MAP4: variants seen among roughly 807,000 people sequenced by gnomAD.
MAP4 encodes the protein microtubule-associated protein 4.
Under a neutral mutation model 170.2 loss-of-function variants are expected in MAP4, and 76 were observed. The ratio of observed to expected loss-of-function variants is 0.45; its 90% CI spans 0.37 to 0.54. The LOEUF (loss-of-function observed/expected upper bound fraction) is 0.54. Among genes scored for constraint, MAP4 ranks in the 20% least tolerant of loss-of-function variants. The pLI is 0.00. For missense variants in MAP4, 2,506 were observed against 2,748.0 expected, an observed-to-expected ratio of 0.91 and a Z score of 1.97; for synonymous variants, 909 against 994.5, an observed-to-expected ratio of 0.91 and a Z score of 1.62.
intron 3 of MAP4, among the ~76,000 whole-genome samples, chr3:47,966,521 A>G (rs2100075148): frequency 6.6e-6 from 1 of 151,782 alleles, no homozygotes; most frequent in Admixed American, 6.6e-5. Flanking sequence ...TGTTGGGATT[A>G]CAGGTGTGAG....
intron 1 of MAP4, among the ~76,000 whole-genome samples, chr3:48,030,697 G>C (rs2100115581): frequency 6.7e-6 from 1 of 149,714 alleles, no homozygotes; most frequent in African/African-American, 2.4e-5. Flanking sequence ...TACTCGGGAG[G>C]CTGAGACAGG....
intron 1 of MAP4, among the ~76,000 whole-genome samples, chr3:48,059,514 C>CAAAAA (rs762700404): frequency 1.1e-4 from 2 of 18,008 alleles, no homozygotes; most frequent in African/African-American, 2.7e-4. Context: ...GACTCCATCT[C>CAAAAA]AAAAAAAAAA....
At chr3:48,047,475 C>T (rs1206773006) in intron 1 of MAP4, among the ~76,000 whole-genome samples, 4 of 152,038 alleles carry the variant, frequency 2.6e-5, no homozygotes, top group Non-Finnish European at 5.9e-5. Context: ...GGGAGGAAGC[C>T]ATGGTGGCTG....
chr3:48,066,823 T>A (rs10571716), intron 1 of MAP4, among the ~76,000 whole-genome samples: 9 of 2,580 alleles, frequency 3.5e-3, no homozygotes, highest in Non-Finnish European at 8.0e-3. Flanking sequence ...CTCTAATTCC[T>A]TTTTTTTTTT....
At chr3:47,864,599 T>C (rs1559807828) in intron 17 of MAP4, among the ~76,000 whole-genome samples, 1 of 151,816 alleles carries the variant, frequency 6.6e-6, no homozygotes, top group Admixed American at 6.6e-5. Flanking sequence ...ATAGCATCAA[T>C]CCGGGAGGCG....
At chr3:47,873,458 T>C (rs1222006569) in intron 12 of MAP4, among the ~76,000 whole-genome samples, 1 of 152,140 alleles carries the variant, frequency 6.6e-6, no homozygotes, top group Admixed American at 6.6e-5. Flanking sequence ...AAGAGGGCAG[T>C]ATGTAGGTAG....
intron 1 of MAP4, among the ~76,000 whole-genome samples, chr3:48,045,525 G>T (rs948361772): frequency 1.3e-5 from 2 of 152,178 alleles, no homozygotes; most frequent in South Asian, 4.1e-4. Context: ...TTCTGAGGTG[G>T]AAGAGTTTTA....
chr3:47,858,594 T>TGTGTGG (rs1475313030), intron 17 of MAP4, among the ~76,000 whole-genome samples: 1 of 137,790 alleles, frequency 7.3e-6, no homozygotes, highest in African/African-American at 3.0e-5. Context: ...GTGGTGTGTG[T>TGTGTGG]GTGTGTGTGT....
At chr3:47,875,614 A>T in intron 12 of MAP4, 71 bp downstream of exon 12, 2 of 1,317,876 alleles carry the variant, frequency 1.5e-6, no homozygotes, top group Non-Finnish European at 2.1e-6. Flanking sequence ...TCTGTTAGCA[A>T]CAAGGATCTG....
chr3:47,905,362 C>T (rs1456651026), intron 9 of MAP4, among the ~76,000 whole-genome samples: 3 of 151,798 alleles, frequency 2.0e-5, no homozygotes, highest in Non-Finnish European at 2.9e-5. Context: ...TATTAGGAAG[C>T]CTGGTGGAAA....
At chr3:48,006,117 CA>C (rs1331199797) in intron 1 of MAP4, among the ~76,000 whole-genome samples, 1 of 152,156 alleles carries the variant, frequency 6.6e-6, no homozygotes, top group Non-Finnish European at 1.5e-5. Flanking sequence ...GTCGAATGGA[CA>C]AAAGACTAAT....
chr3:47,917,318 T>A (rs568933763), intron 6 of MAP4, 144 bp from the exon 7 acceptor site: 2 of 689,806 alleles, frequency 2.9e-6, no homozygotes, highest in African/African-American at 1.8e-5. Context: ...CCGGGCACAG[T>A]GGCTCACGCC....
chr3:47,867,465 C>G (rs1239197619), intron 16 of MAP4, 127 bp from the exon 17 acceptor site: 1 of 702,172 alleles, frequency 1.4e-6, no homozygotes, highest in Non-Finnish European at 2.6e-6. Context: ...CCTCCACCCC[C>G]ACCTTCTACA....
intron 1 of MAP4, among the ~76,000 whole-genome samples, chr3:48,080,140 T>C (rs746244227): frequency 3.3e-5 from 5 of 152,122 alleles, no homozygotes; most frequent in African/African-American, 9.7e-5. Flanking sequence ...GGAATAACTG[T>C]AGACAGAAAA....
At chr3:47,915,897 C>T (rs2100038490) in intron 7 of MAP4, 54 bp downstream of exon 7, 1 of 1,547,452 alleles carries the variant, frequency 6.5e-7, no homozygotes, top group South Asian at 1.2e-5. Context: ...CCTTAGTCTT[C>T]TCGAGACTAC....
At chr3:48,055,182 CTCTCCCTCTCCCTCTCCGTCTCCG>C (rs796882063) in intron 1 of MAP4, among the ~76,000 whole-genome samples, 1,077 of 82,246 alleles carry the variant, frequency 0.013, 7 homozygotes, top group South Asian at 0.034. Flanking sequence ...AAAAGTCTCC[CTCTCCCTCTCCCTCTCCGTCTCCG>C]TCTCCGTCTC....
intron 17 of MAP4, among the ~76,000 whole-genome samples, chr3:47,858,979 A>G (rs2061352433): frequency 6.6e-6 from 1 of 151,898 alleles, no homozygotes; most frequent in Non-Finnish European, 1.5e-5. Context: ...ATACAAAAAA[A>G]ATTAGCCGGG....
chr3:47,876,790 T>A (rs996178906), intron 11 of MAP4: 1 of 152,240 alleles, frequency 6.6e-6, no homozygotes, highest in Admixed American at 6.5e-5. Flanking sequence ...AATCTTTTTT[T>A]TTCTTTCATC....
chr3:48,087,258 T>C (rs746841710), intron 1 of MAP4, among the ~76,000 whole-genome samples: 17 of 152,182 alleles, frequency 1.1e-4, no homozygotes, highest in Non-Finnish European at 2.4e-4. Flanking sequence ...AAGTTGCAAG[T>C]AAAGTACACA....
Sources: allele counts gnomAD v4.1 joint callset (sites outside exome capture counted in the v4.1 genomes callset), GRCh38; gene constraint gnomAD v4.1.1; transcripts MANE v1.5; gene names NCBI Gene and HGNC (gene_info 2026-07-23, HGNC 2026-07-21).